Variants in ATRX observed in about 807,000 individuals in gnomAD.
The protein encoded by ATRX is ATRX chromatin remodeler.
A neutral mutation model predicts 172.6 loss-of-function variants in ATRX; 12 were observed. The ratio of observed to expected loss-of-function variants is 0.07; its 90% CI spans 0.04 to 0.11. ATRX has a LOEUF of 0.11. ATRX is among the 10% of genes least tolerant of loss of function. The probability of loss-of-function intolerance (pLI) is 1.00; values close to 1 mark genes in which losing one functional copy is unlikely to be tolerated. For synonymous variants in ATRX, 674 were observed against 594.7 expected, an observed-to-expected ratio of 1.13 and a Z score of -1.94; for missense variants, 1,368 against 1,767.4, an observed-to-expected ratio of 0.77 and a Z score of 4.05.
intron 16 of ATRX, among the ~76,000 whole-genome samples, chrX:77,635,394 A>C (rs933416088): frequency 8.9e-6 from 1 of 111,871 alleles, no homozygotes; most frequent in African/African-American, 3.2e-5. Flanking sequence ...GGAAAAAAAA[A>C]CCCATGAGAT....
chrX:77,774,727 G>A (rs2076288323), intron 1 of ATRX, among the ~76,000 whole-genome samples: 1 of 110,978 alleles, frequency 9.0e-6, no homozygotes, highest in Non-Finnish European at 1.9e-5. Flanking sequence ...TTTATTTTAA[G>A]AGATGGGGGT....
At chrX:77,767,127 G>A (rs1380820318) in intron 1 of ATRX, among the ~76,000 whole-genome samples, 3 of 111,616 alleles carry the variant, frequency 2.7e-5, no homozygotes, top group Admixed American at 9.5e-5. Context: ...GGCTGAGGCA[G>A]GAGAATCAGG....
chrX:77,571,538 G>T (rs1320708667), intron 28 of ATRX, among the ~76,000 whole-genome samples: 1 of 111,625 alleles, frequency 9.0e-6, no homozygotes, highest in Non-Finnish European at 1.9e-5. Context: ...ATTAGTCATT[G>T]TCAGGGGTTA....
At chrX:77,616,447 G>A in intron 22 of ATRX, 166 bp downstream of exon 22, 1 of 1,142,386 alleles carries the variant, frequency 8.8e-7, no homozygotes. Flanking sequence ...AATTTTGACA[G>A]CATCAGTGTT....
intron 22 of ATRX, among the ~76,000 whole-genome samples, chrX:77,601,700 A>G (rs2066683210): frequency 9.0e-6 from 1 of 111,726 alleles, no homozygotes; most frequent in African/African-American, 3.2e-5. Context: ...AAGCAATAAC[A>G]TATTTTCCTA....
At chrX:77,766,970 C>T (rs1318663579) in intron 1 of ATRX, among the ~76,000 whole-genome samples, 2 of 112,575 alleles carry the variant, frequency 1.8e-5, no homozygotes, top group Non-Finnish European at 3.8e-5. Flanking sequence ...GCAATCCCGG[C>T]ACCTCGGGAG....
At chrX:77,587,911 C>G (rs1208962627) in intron 27 of ATRX, among the ~76,000 whole-genome samples, 1 of 112,170 alleles carries the variant, frequency 8.9e-6, no homozygotes, top group East Asian at 2.8e-4. Flanking sequence ...ACTATACATT[C>G]AACACAATCC....
intron 30 of ATRX, among the ~76,000 whole-genome samples, chrX:77,526,224 G>C (rs2063376776): frequency 9.0e-6 from 1 of 111,596 alleles, no homozygotes. Flanking sequence ...CTACTTCCCA[G>C]AACTATTCCC....
intron 22 of ATRX, among the ~76,000 whole-genome samples, chrX:77,615,003 T>C (rs1602848100): frequency 1.8e-5 from 2 of 110,483 alleles, no homozygotes; most frequent in East Asian, 2.8e-4. Context: ...GTGGTGGTTG[T>C]TGTTGTTGTT....
intron 29 of ATRX, among the ~76,000 whole-genome samples, chrX:77,558,134 T>C (rs1377001860): frequency 9.0e-6 from 1 of 111,020 alleles, no homozygotes; most frequent in Non-Finnish European, 1.9e-5. Flanking sequence ...TAAAATACCA[T>C]ATCCATTACA....
chrX:77,579,553 T>C (rs1557072684), intron 27 of ATRX, among the ~76,000 whole-genome samples: 1 of 111,635 alleles, frequency 9.0e-6, no homozygotes, highest in Non-Finnish European at 1.9e-5. Flanking sequence ...ACCAAAATGG[T>C]ACCTCTACAA....
intron 15 of ATRX, among the ~76,000 whole-genome samples, chrX:77,649,177 A>C (rs1249829505): frequency 9.1e-6 from 1 of 110,114 alleles, no homozygotes; most frequent in Non-Finnish European, 1.9e-5. Flanking sequence ...AGAAAGAAAA[A>C]GAAAGAAAGA....
chrX:77,722,422 C>T (rs1280527062), intron 1 of ATRX, among the ~76,000 whole-genome samples: 1 of 110,406 alleles, frequency 9.1e-6, no homozygotes, highest in Non-Finnish European at 1.9e-5. Flanking sequence ...AATGGGAGAA[C>T]TTTTTTGTGA....
intron 21 of ATRX, among the ~76,000 whole-genome samples, chrX:77,618,593 T>C (rs1250688492): frequency 1.8e-5 from 2 of 111,891 alleles, no homozygotes; most frequent in Admixed American, 9.5e-5. Flanking sequence ...GGCAAATGAA[T>C]CAACTATGTT....
chrX:77,639,127 C>T (rs1457176620), intron 15 of ATRX, among the ~76,000 whole-genome samples: 1 of 111,562 alleles, frequency 9.0e-6, no homozygotes, highest in East Asian at 2.8e-4. Context: ...ATATAAACAC[C>T]CTGCATAATC....
rs781920225 is a variant in ATRX at position 77,520,428 on chromosome X, A to C, written c.7200+360T>G. ...AATATACCTTATGTACCCCATAAAT[A>C]TATATACCTATTATATACTCACAAA... On this transcript the variant is annotated intron_variant, in intron 34 of 34. Coordinates refer to ENST00000373344, the MANE Select transcript of ATRX (RefSeq NM_000489.6). Among the ~76,000 whole-genome samples, 8 of 111,575 alleles carry C rather than the reference A, an allele frequency of 7.2e-5. No homozygotes were observed. In the East Asian group the frequency reaches 2.0e-3, roughly 27 times the overall value.
At chrX:77,698,993 G>A in intron 2 of ATRX, 1 of 178,167 alleles carries the variant, frequency 5.6e-6, no homozygotes, top group Non-Finnish European at 1.1e-5. Context: ...AAAATACTGG[G>A]AAAATAAGAG....
At chrX:77,667,584 TCA>T in intron 10 of ATRX, among the ~76,000 whole-genome samples, 1 of 111,508 alleles carries the variant, frequency 9.0e-6, no homozygotes, top group Admixed American at 9.6e-5. Context: ...TTGTAGGAAA[TCA>T]CACAATTTTT....
chrX:77,764,086 C>T (rs547736478), intron 1 of ATRX, among the ~76,000 whole-genome samples: 2 of 110,900 alleles, frequency 1.8e-5, no homozygotes, highest in South Asian at 7.7e-4. Flanking sequence ...TGTACTCTAG[C>T]CTGGGAGACA....
Sources: allele counts gnomAD v4.1 joint callset (sites outside exome capture counted in the v4.1 genomes callset), GRCh38; gene constraint gnomAD v4.1.1; transcripts MANE v1.5; gene names NCBI Gene and HGNC (gene_info 2026-07-23, HGNC 2026-07-21).